CACNA1C: variants seen among roughly 807,000 people sequenced by gnomAD.
CACNA1C encodes the protein voltage-dependent L-type calcium channel subunit alpha-1C.
Under a neutral mutation model 229.0 loss-of-function variants are expected in CACNA1C, and 30 were observed. That is an observed-to-expected ratio of 0.13 (90% confidence interval 0.10 to 0.18). The LOEUF is 0.18. Ranked by LOEUF, CACNA1C falls within the 10% of genes least tolerant of loss-of-function variation. CACNA1C has a pLI of 1.00. For synonymous variants in CACNA1C, 1,114 were observed against 1,132.5 expected (o/e 0.98, Z 0.33); for missense variants, 1,658 against 2,845.0 (o/e 0.58, Z 9.49).
intron 1 of CACNA1C, among the ~76,000 whole-genome samples, chr12:1,975,251 A>T (rs1363139155): frequency 6.6e-6 from 1 of 152,166 alleles, no homozygotes; most frequent in African/African-American, 2.4e-5. Flanking sequence ...TCTACTATGA[A>T]ATAAGAGCTC....
rs775536781 is a variant in CACNA1C, at chr12:2,567,751, G to C, written c.1852G>C (p.Val618Leu). The C allele has an allele frequency of 6.2e-7, 1 of 1,613,036 alleles. No homozygotes were observed. Among genetic ancestry groups the C allele is most frequent in the Non-Finnish European group, 8.5e-7 (1 of 1,179,292 alleles). ...TKIMSPLGISVLRCVRLLRIF... is the reference protein window; with the variant it reads ...TKIMSPLGISLLRCVRLLRIF... ...GATCATGTCCCCACTGGGCATCTCC[G>C]TGCTCAGATGCGTCCGGCTGCTGAG... The change falls in exon 13 of 47, where the codon GTG becomes CTG. Residue 618 changes from valine (V) to leucine (L), a missense_variant. Val to Leu is a conservative substitution (Grantham distance 32, BLOSUM62 1). This residue lies in a region of CACNA1C where 30 missense variants were observed against 96.6 expected (regional missense o/e 0.31). Transcript: ENST00000399655.
chr12:2,237,553 C>T (rs1004697796), intron 3 of CACNA1C, among the ~76,000 whole-genome samples: 8 of 152,210 alleles, frequency 5.3e-5, no homozygotes, highest in African/African-American at 1.9e-4. Context: ...GGAGATGCTT[C>T]AGAGTGTTGT....
At chr12:2,151,210 A>G (rs891990202) in intron 3 of CACNA1C, among the ~76,000 whole-genome samples, 2 of 152,212 alleles carry the variant, frequency 1.3e-5, no homozygotes, top group East Asian at 1.9e-4. Context: ...AGATCAGATC[A>G]TCTCATCCAA....
At chr12:2,413,984 G>GC (rs1282052083) in intron 3 of CACNA1C, among the ~76,000 whole-genome samples, 2 of 152,124 alleles carry the variant, frequency 1.3e-5, no homozygotes, top group African/African-American at 4.8e-5. Context: ...ACCCAAGGCT[G>GC]CCCCCAAAAC....
intron 3 of CACNA1C, chr12:2,223,450 G>C (rs1354359773): frequency 1.3e-5 from 2 of 152,220 alleles, no homozygotes; most frequent in African/African-American, 4.8e-5. Flanking sequence ...CTGATCCTAA[G>C]AAGAGGACCC....
intron 1 of CACNA1C, among the ~76,000 whole-genome samples, chr12:2,072,282 T>A (rs922793996): frequency 3.9e-5 from 6 of 152,084 alleles, no homozygotes; most frequent in Non-Finnish European, 7.4e-5. Flanking sequence ...CACTGCAACC[T>A]CCACGTTCCG....
chr12:2,454,704 C>T (rs773791162), intron 4 of CACNA1C, among the ~76,000 whole-genome samples: 1 of 152,178 alleles, frequency 6.6e-6, no homozygotes, highest in Non-Finnish European at 1.5e-5. Context: ...CCCTCGGTGA[C>T]ACCTGAGGGC....
Position 2,688,546 on chromosome 12 carries a change from C to A in CACNA1C, c.5884C>A (p.Arg1962=). The A allele has an allele frequency of 6.2e-7, 1 of 1,613,990 alleles. No individual in the cohort carries two copies. Among genetic ancestry groups the A allele is most frequent in the Non-Finnish European group, 8.5e-7 (1 of 1,179,876 alleles). The part of the protein sequence containing the change: ...FATPPATPGS[R]GWPPQPVPTL... ...CACCCCACCAGCCACACCTGGCAGCCGAGGCTGGCCCCCACAGCCCGTCCC... is the reference window on the plus strand; with the variant it reads ...CACCCCACCAGCCACACCTGGCAGCAGAGGCTGGCCCCCACAGCCCGTCCC... Residue 1962 remains arginine (R), a synonymous_variant, in exon 46 of 47, where the codon CGA becomes AGA. Coordinates refer to ENST00000399655, the MANE Select transcript of CACNA1C (RefSeq NM_000719.7).
At chr12:2,491,644 G>A (rs1440193021) in intron 6 of CACNA1C, among the ~76,000 whole-genome samples, 1 of 151,398 alleles carries the variant, frequency 6.6e-6, no homozygotes, top group East Asian at 1.9e-4. Context: ...AGGAGGAGGA[G>A]GAGGAGGAAG....
At chr12:2,297,657 A>G (rs1413550520) in intron 3 of CACNA1C, among the ~76,000 whole-genome samples, 3 of 152,196 alleles carry the variant, frequency 2.0e-5, no homozygotes, top group African/African-American at 4.8e-5. Flanking sequence ...AAAGCATTCC[A>G]TTGCGTCTTT....
chr12:2,210,234 G>A (rs145906573), intron 3 of CACNA1C, among the ~76,000 whole-genome samples: 178 of 152,278 alleles, frequency 1.2e-3, no homozygotes, highest in Non-Finnish European at 2.1e-3. Flanking sequence ...TGAGAATTGG[G>A]GTATGCCTAT....
chr12:2,000,517 G>A lies in CACNA1C; in HGVS notation c.139+29316G>A, dbSNP rs539144261. Among the ~76,000 whole-genome samples, 11 of 149,662 alleles carry A rather than the reference G, an allele frequency of 7.3e-5. No individual in the cohort carries two copies. In the Middle Eastern group the frequency reaches 0.021, roughly 289 times the overall value. ...CCACATTTTAGTTTTTAAATTCCAA[G>A]GTCAAAAATGTAAAAGGCATGCTTC... On this transcript the variant is annotated intron_variant, in intron 1 of 46. Coordinates refer to the CACNA1C transcript ENST00000682462.
chr12:2,324,401 C>T (rs764789699), intron 3 of CACNA1C, among the ~76,000 whole-genome samples: 3 of 152,202 alleles, frequency 2.0e-5, no homozygotes, highest in Non-Finnish European at 4.4e-5. Flanking sequence ...CCTTGCTGCC[C>T]GAATCTCCAC....
chr12:2,523,489 A>G (rs1346896035), intron 9 of CACNA1C, among the ~76,000 whole-genome samples: 1 of 152,122 alleles, frequency 6.6e-6, no homozygotes, highest in South Asian at 2.1e-4. Flanking sequence ...GAGGAATGTC[A>G]TGGAACCGCC....
chr12:2,384,854 C>A (rs973709254), intron 3 of CACNA1C, among the ~76,000 whole-genome samples: 1 of 152,186 alleles, frequency 6.6e-6, no homozygotes, highest in Non-Finnish European at 1.5e-5. Context: ...CTTAGCAAAT[C>A]TTTTTACTTT....
chr12:2,293,651 C>A (rs576268034), intron 3 of CACNA1C, among the ~76,000 whole-genome samples: 5 of 152,298 alleles, frequency 3.3e-5, no homozygotes, highest in Non-Finnish European at 7.4e-5. Flanking sequence ...TCCAATGTGG[C>A]CCAGGGAAGC....
Position 2,481,542 on chromosome 12 carries a change from T to A in CACNA1C, c.758-4562T>A, listed in dbSNP as rs186388984. Reference sequence around the variant, plus strand: ...TTTTCCCGAGCCCAGCACTGAATGATGCCACTGCCCAAGGCCCCATCTCCC... The same window carrying A: ...TTTTCCCGAGCCCAGCACTGAATGAAGCCACTGCCCAAGGCCCCATCTCCC... On this transcript the variant is annotated intron_variant, in intron 5 of 46. Transcript: ENST00000399655. Among the ~76,000 whole-genome samples the A allele has an allele frequency of 4.9e-3, 749 of 152,328 alleles. 7 individuals carry two copies. Among genetic ancestry groups the A allele is most frequent in the Non-Finnish European group, 4.6e-3 (316 of 68,026 alleles).
chr12:2,448,894 T>C, intron 3 of CACNA1C, 82 bp from the exon 4 acceptor site: 1 of 1,202,626 alleles, frequency 8.3e-7, no homozygotes, highest in Non-Finnish European at 1.2e-6. Context: ...TTCCACCTAC[T>C]TGTGAGATCT....
At chr12:2,417,234 T>C (rs899956257) in intron 3 of CACNA1C, among the ~76,000 whole-genome samples, 7 of 152,204 alleles carry the variant, frequency 4.6e-5, no homozygotes, top group Non-Finnish European at 1.0e-4. Context: ...GCCCATACTC[T>C]GCGATGCGGG....
Sources: gnomAD v4.1 joint callset for allele counts (sites outside exome capture counted in the v4.1 genomes callset) on GRCh38, gnomAD v4.1.1 for gene constraint, gnomAD v4.1.1 regional missense constraint, MANE v1.5 for transcripts, NCBI Gene and HGNC (gene_info 2026-07-23, HGNC 2026-07-21) for gene names.